Variants in VCAN observed in about 807,000 individuals in gnomAD.
VCAN encodes versican core protein.
A neutral mutation model predicts 245.5 loss-of-function variants in VCAN; 44 were observed. That is an observed-to-expected ratio of 0.18 (90% confidence interval 0.14 to 0.23). VCAN has a LOEUF of 0.23. Among genes scored for constraint, VCAN ranks in the 10% least tolerant of loss-of-function variants. VCAN has a pLI of 1.00. For missense variants in VCAN, 3,793 were observed against 4,057.9 expected, an observed-to-expected ratio of 0.93 and a Z score of 1.77; for synonymous variants, 1,413 against 1,437.0, an observed-to-expected ratio of 0.98 and a Z score of 0.38.
At position 83,541,072 on chromosome 5, in the gene VCAN, C is replaced by T; in HGVS notation, c.8069C>T (p.Ala2690Val). The T allele has an allele frequency of 1.2e-6, 2 of 1,614,062 alleles. No individual in the cohort carries two copies. The highest frequency in any genetic ancestry group is 1.7e-6 in the Non-Finnish European group (2 of 1,179,984). ...ETELDVLLPT[A>V]TSLPIPRKSA... is the part of the protein sequence containing the mutation. ...GAATTAGACGTTTTACTTCCCACGGCAACATCCCTGCCAATTCCTCGTAAG... is the reference window on the plus strand; with the variant it reads ...GAATTAGACGTTTTACTTCCCACGGTAACATCCCTGCCAATTCCTCGTAAG... Residue 2690 changes from alanine (A) to valine (V), a missense_variant, in exon 8 of 15, where the codon GCA (alanine) becomes GTA (valine). This residue lies in a region of VCAN where 3,182 missense variants were observed against 3,250.3 expected (regional missense o/e 0.98). Transcript: ENST00000265077.
At chr5:83,571,571 A>T (rs1748292070) in intron 12 of VCAN, among the ~76,000 whole-genome samples, 5 of 152,160 alleles carry the variant, frequency 3.3e-5, no homozygotes, top group Admixed American at 1.3e-4. Context: ...ATATACGTGT[A>T]TATATAAAGG....
chr5:83,487,029 C>T (rs560318952), intron 2 of VCAN, among the ~76,000 whole-genome samples: 1 of 152,206 alleles, frequency 6.6e-6, no homozygotes, highest in African/African-American at 2.4e-5. Flanking sequence ...TATTTTAACC[C>T]AAGAAGAACT....
At chr5:83,551,451 G>T (rs996435104) in intron 10 of VCAN, among the ~76,000 whole-genome samples, 1 of 151,932 alleles carries the variant, frequency 6.6e-6, no homozygotes, top group South Asian at 2.1e-4. Context: ...AGCAGAGGTT[G>T]CAGTGAGCCA....
intron 12 of VCAN, among the ~76,000 whole-genome samples, chr5:83,568,647 C>A (rs3096172): frequency 0.82 from 124,749 of 152,076 alleles, 51,426 homozygotes; most frequent in African/African-American, 0.9. Flanking sequence ...TAGTAACTTG[C>A]GGTGATATTT....
chr5:83,545,658 G>C lies in VCAN; in HGVS notation c.9379+8G>C. The stretch of plus-strand genomic sequence containing the variant: ...GAGACCAGTGTGAACTTGGTAAGAT[G>C]GTACTTGGCTGAAAAGGTGCAGTTC... On this transcript the variant is annotated splice_region_variant and intron_variant, in intron 9 of 14. Coordinates refer to ENST00000265077, the MANE Select transcript of VCAN (RefSeq NM_004385.5). 1.2e-6 allele frequency: 2 copies of C among 1,605,298 alleles called. No homozygotes were observed. Among genetic ancestry groups the C allele is most frequent in the Non-Finnish European group, 1.7e-6 (2 of 1,172,020 alleles).
At chr5:83,497,220 G>A (rs531566871) in intron 5 of VCAN, among the ~76,000 whole-genome samples, 10 of 152,220 alleles carry the variant, frequency 6.6e-5, no homozygotes, top group East Asian at 1.9e-4. Flanking sequence ...TTAATTTTCC[G>A]TTTTAATTTA....
chr5:83,484,314 C>T (rs1038996898), intron 2 of VCAN, among the ~76,000 whole-genome samples: 1 of 152,156 alleles, frequency 6.6e-6, no homozygotes, highest in Non-Finnish European at 1.5e-5. Flanking sequence ...CATTACCCCT[C>T]CATCCATCCA....
At chr5:83,476,654 A>T (rs1744402771) in intron 1 of VCAN, among the ~76,000 whole-genome samples, 1 of 152,046 alleles carries the variant, frequency 6.6e-6, no homozygotes, top group South Asian at 2.1e-4. Flanking sequence ...GACTTGGTAA[A>T]TTACATATAT....
intron 2 of VCAN, among the ~76,000 whole-genome samples, chr5:83,487,495 C>G (rs1188886620): frequency 1.3e-5 from 2 of 152,176 alleles, no homozygotes; most frequent in Non-Finnish European, 2.9e-5. Context: ...TTTAAACATG[C>G]ATACTCTGTA....
chr5:83,490,017 G>A, intron 2 of VCAN, 81 bp from the exon 3 acceptor site: 1 of 1,475,596 alleles, frequency 6.8e-7, no homozygotes, highest in South Asian at 1.2e-5. Context: ...TATTATAAAG[G>A]CTGCTTATCC....
At chr5:83,475,766 A>G (rs1744365903) in intron 1 of VCAN, among the ~76,000 whole-genome samples, 2 of 152,208 alleles carry the variant, frequency 1.3e-5, no homozygotes, top group Non-Finnish European at 2.9e-5. Context: ...CACCAAGTCC[A>G]CAGTCCTTAA....
intron 7 of VCAN, among the ~76,000 whole-genome samples, chr5:83,530,900 T>C (rs1361199887): frequency 6.6e-6 from 1 of 152,132 alleles, no homozygotes; most frequent in Non-Finnish European, 1.5e-5. Flanking sequence ...AGAGCTCATT[T>C]GATTACATTA....
At chr5:83,498,074 C>T (rs1745215159) in intron 5 of VCAN, among the ~76,000 whole-genome samples, 1 of 152,110 alleles carries the variant, frequency 6.6e-6, no homozygotes, top group African/African-American at 2.4e-5. Flanking sequence ...CTATGTAGCC[C>T]TGCCTTTTGG....
chr5:83,569,049 T>C (rs1748186860), intron 12 of VCAN, among the ~76,000 whole-genome samples: 1 of 152,188 alleles, frequency 6.6e-6, no homozygotes, highest in Non-Finnish European at 1.5e-5. Context: ...TTTTAAATGG[T>C]GATATAATAT....
At chr5:83,482,542 G>A (rs1431716973) in intron 1 of VCAN, among the ~76,000 whole-genome samples, 1 of 152,174 alleles carries the variant, frequency 6.6e-6, no homozygotes, top group Non-Finnish European at 1.5e-5. Context: ...AGAAACGCAT[G>A]GCTATTATAG....
chr5:83,512,053 A>G (rs1412808926), intron 5 of VCAN, 50 bp from the exon 6 acceptor site: 1 of 1,610,358 alleles, frequency 6.2e-7, no homozygotes, highest in Admixed American at 1.7e-5. Flanking sequence ...CCAACAGGAA[A>G]GGAATGAATA....
chr5:83,557,020 C>G (rs982129337), intron 12 of VCAN, among the ~76,000 whole-genome samples: 5 of 152,004 alleles, frequency 3.3e-5, no homozygotes, highest in Non-Finnish European at 5.9e-5. Flanking sequence ...TATACAGAAG[C>G]TGGCATGCCC....
chr5:83,575,533 A>G (rs1470241444), intron 13 of VCAN, among the ~76,000 whole-genome samples: 1 of 151,796 alleles, frequency 6.6e-6, no homozygotes. Flanking sequence ...TTCCTATTTT[A>G]TTTTCTCCTA....
rs189908960 is a variant in VCAN at position 83,494,815 on chromosome 5, T to A, written c.748+884T>A. Among the ~76,000 whole-genome samples, 636 of 151,848 alleles carry A rather than the reference T, an allele frequency of 4.2e-3. 4 individuals carry two copies. The highest frequency in any genetic ancestry group is 5.8e-3 in the Non-Finnish European group (392 of 67,934). On this transcript the variant is annotated intron_variant, in intron 5 of 14. Transcript: ENST00000265077. ...ATAATGCCAAAACTTAGCTAGGTGTTGTGGCATATGCCTGTAGTCACAGTT... is the reference window on the plus strand; with the variant it reads ...ATAATGCCAAAACTTAGCTAGGTGTAGTGGCATATGCCTGTAGTCACAGTT...
Sources: allele counts gnomAD v4.1 joint callset (sites outside exome capture counted in the v4.1 genomes callset), GRCh38; gene constraint gnomAD v4.1.1; regional missense constraint gnomAD v4.1.1; transcripts MANE v1.5; gene names NCBI Gene and HGNC (gene_info 2026-07-23, HGNC 2026-07-21).